The following VPS13B variants were observed in gnomAD, a reference collection of about 807,000 sequenced individuals.
The protein encoded by VPS13B is vacuolar protein sorting 13 homolog B.
In VPS13B, 285 loss-of-function variants were observed where a neutral mutation model predicts 426.4. That is an observed-to-expected ratio of 0.67 (90% CI 0.61 to 0.74). The LOEUF (loss-of-function observed/expected upper bound fraction) is 0.74, where lower values mean the gene tolerates loss of function less well. VPS13B is among the 30% of genes least tolerant of loss of function. The probability of loss-of-function intolerance (pLI) is 0.00; values close to 1 mark genes in which losing one functional copy is unlikely to be tolerated. For synonymous variants in VPS13B, 1,676 were observed against 1,676.4 expected, an observed-to-expected ratio of 1.00 and a Z score of 0.01; for missense variants, 4,537 against 4,782.6, an observed-to-expected ratio of 0.95 and a Z score of 1.51.
chr8:99,821,578 A>G (rs946624336), intron 50 of VPS13B, 96 bp downstream of exon 50: 64 of 1,394,490 alleles, frequency 4.6e-5, no homozygotes, highest in Non-Finnish European at 6.4e-5. Context: ...TACCTTTTTC[A>G]TATTACTTCT....
chr8:99,509,473 GT>G (rs1821673136), intron 28 of VPS13B, among the ~76,000 whole-genome samples: 1 of 151,890 alleles, frequency 6.6e-6, no homozygotes, highest in Non-Finnish European at 1.5e-5. Context: ...TCATTATAAA[GT>G]CTAAATTAAA....
intron 24 of VPS13B, among the ~76,000 whole-genome samples, chr8:99,470,222 G>A (rs1281194576): frequency 3.9e-5 from 6 of 152,096 alleles, no homozygotes; most frequent in Non-Finnish European, 8.8e-5. Flanking sequence ...TCTTAGCATG[G>A]CAGTATAAGC....
At chr8:99,582,624 A>G (rs1826117895) in intron 33 of VPS13B, among the ~76,000 whole-genome samples, 1 of 152,046 alleles carries the variant, frequency 6.6e-6, no homozygotes, top group Non-Finnish European at 1.5e-5. Context: ...TCATTTTACT[A>G]TTGAAGTTAC....
chr8:99,382,393 T>A (rs1350413656), intron 19 of VPS13B, among the ~76,000 whole-genome samples: 1 of 152,190 alleles, frequency 6.6e-6, no homozygotes, highest in African/African-American at 2.4e-5. Context: ...AGGAACAGCA[T>A]TGAATCTGTA....
chr8:99,610,069 A>C (rs1827776393), intron 33 of VPS13B, among the ~76,000 whole-genome samples: 2 of 152,198 alleles, frequency 1.3e-5, no homozygotes, highest in African/African-American at 4.8e-5. Flanking sequence ...TTCTAAAACT[A>C]ATATTTCCAG....
chr8:99,331,662 A>G (rs985909486), intron 19 of VPS13B, among the ~76,000 whole-genome samples: 1 of 151,894 alleles, frequency 6.6e-6, no homozygotes, highest in Non-Finnish European at 1.5e-5. Flanking sequence ...GCATTTTTGT[A>G]CAAATCAATA....
At chr8:99,200,508 T>G (rs975524839) in intron 17 of VPS13B, among the ~76,000 whole-genome samples, 9 of 152,176 alleles carry the variant, frequency 5.9e-5, no homozygotes, top group African/African-American at 1.7e-4. Flanking sequence ...GCTGTACCAT[T>G]GTACTTTCCA....
chr8:99,668,030 G>A (rs1830555606), intron 35 of VPS13B, among the ~76,000 whole-genome samples: 2 of 152,056 alleles, frequency 1.3e-5, no homozygotes, highest in African/African-American at 4.8e-5. Flanking sequence ...TTTGTTTTTA[G>A]GTAATGACAT....
In VPS13B at chr8:99,496,653, GA is replaced by G. The variant is rs1055396435; in HGVS notation, c.3871-5024del. 7.5e-5 allele frequency among the ~76,000 whole-genome samples: 11 copies of G among 146,070 alleles called. No homozygotes were observed. In the East Asian group the frequency reaches 9.9e-4, roughly 13 times the overall value. ...GCGACACAGCAAGACTCCATCTCAG[GA>G]AAAAAAAAAGCACTAACATTTTGAT... On this transcript the variant is annotated intron_variant, in intron 25 of 61. Transcript: ENST00000357162.
Position 99,641,854 on chromosome 8 carries a change from G to T in VPS13B, c.5264G>T (p.Gly1755Val), listed in dbSNP as rs1426875703. The T allele has an allele frequency of 5.6e-6, 9 of 1,613,508 alleles. No homozygotes were observed. The highest frequency in any genetic ancestry group is 1.3e-5 in the African/African-American group (1 of 74,868). ...EQKKVDIFDG[G>V]MAETSSRYSG... The stretch of plus-strand genomic sequence containing the variant: ...AAAAAAGTGGATATATTTGATGGAG[G>T]CATGGCTGAAACCTCATCTCGCTAC... Residue 1755 changes from glycine (G) to valine (V), a missense_variant, in exon 34 of 62, where the codon GGC becomes GTC. By Grantham distance (109) the Gly-to-Val change is moderately radical. Transcript: ENST00000357162.
chr8:99,572,231 G>T (rs1446005180), intron 31 of VPS13B, among the ~76,000 whole-genome samples: 1 of 152,270 alleles, frequency 6.6e-6, no homozygotes, highest in Non-Finnish European at 1.5e-5. Flanking sequence ...TGGACTTGAA[G>T]ATCTATACCA....
intron 25 of VPS13B, among the ~76,000 whole-genome samples, chr8:99,498,712 C>T (rs1453977688): frequency 6.6e-6 from 1 of 152,042 alleles, no homozygotes; most frequent in Non-Finnish European, 1.5e-5. Flanking sequence ...TACTTTTGTG[C>T]ACATATAGCT....
intron 44 of VPS13B, 110 bp from the exon 45 acceptor site, chr8:99,817,430 T>C: frequency 1.4e-6 from 2 of 1,404,524 alleles, no homozygotes; most frequent in Non-Finnish European, 2.0e-6. Flanking sequence ...GCTAATTACT[T>C]CATTTTCTTT....
intron 29 of VPS13B, among the ~76,000 whole-genome samples, chr8:99,520,582 TTAGA>T (rs1822327409): frequency 6.6e-6 from 1 of 152,054 alleles, no homozygotes; most frequent in Non-Finnish European, 1.5e-5. Flanking sequence ...GATTGTGAAG[TTAGA>T]TAAACATTTG....
At chr8:99,257,573 C>T (rs913385641) in intron 17 of VPS13B, among the ~76,000 whole-genome samples, 4 of 152,168 alleles carry the variant, frequency 2.6e-5, no homozygotes, top group Non-Finnish European at 5.9e-5. Flanking sequence ...CACACACACA[C>T]ACACACACAC....
At position 99,147,956 on chromosome 8, in the gene VPS13B, C is replaced by T; in HGVS notation, c.1959C>T (p.Ser653=). 6.2e-7 allele frequency: 1 copy of T among 1,613,776 alleles called. No homozygotes were observed. Among genetic ancestry groups the T allele is most frequent in the Non-Finnish European group, 8.5e-7 (1 of 1,179,880 alleles). Residue 653 remains serine, a synonymous_variant, in exon 14 of 62, where the codon TCC becomes TCT. Transcript: ENST00000357162. Reference sequence around the variant, plus strand: ...TCCTCAAATGTACCTGCACAATTTCCATGGCTGAATTCAACTTGCTGGACC... The same window carrying T: ...TCCTCAAATGTACCTGCACAATTTCTATGGCTGAATTCAACTTGCTGGACC... ...VTLLKCTCTI[S]MAEFNLLDHL... is the part of the protein sequence containing the mutation.
chr8:99,086,088 A>G (rs890481670), intron 3 of VPS13B, among the ~76,000 whole-genome samples: 1 of 152,188 alleles, frequency 6.6e-6, no homozygotes, highest in Admixed American at 6.5e-5. Context: ...TGTCACTTTC[A>G]GATACACCAG....
intron 33 of VPS13B, among the ~76,000 whole-genome samples, chr8:99,623,652 A>G (rs1257957563): frequency 6.6e-6 from 1 of 152,182 alleles, no homozygotes; most frequent in Admixed American, 6.5e-5. Context: ...GCAGTTGACC[A>G]ATACAGAGCC....
At chr8:99,265,343 C>T (rs897009947) in intron 17 of VPS13B, among the ~76,000 whole-genome samples, 19 of 152,046 alleles carry the variant, frequency 1.2e-4, no homozygotes, top group Admixed American at 2.6e-4. Flanking sequence ...TGAGGATAAT[C>T]GATTATCAGT....
Sources: allele counts gnomAD v4.1 joint callset (sites outside exome capture counted in the v4.1 genomes callset), GRCh38; gene constraint gnomAD v4.1.1; transcripts MANE v1.5; gene names NCBI Gene and HGNC (gene_info 2026-07-23, HGNC 2026-07-21).